Variants in STX17 observed in about 807,000 individuals in gnomAD.
The protein encoded by STX17 is syntaxin 17.
A neutral mutation model predicts 35.9 loss-of-function variants in STX17; 29 were observed. That is an observed-to-expected ratio of 0.81 (90% CI 0.60 to 1.10). The LOEUF is 1.10. Ranked by LOEUF, STX17 falls within the 50% of genes least tolerant of loss-of-function variation. The pLI, the probability that STX17 is intolerant of heterozygous loss-of-function variation, is 0.00. For missense variants in STX17, 312 were observed against 352.3 expected (o/e 0.89, Z 0.92); for synonymous variants, 92 against 118.3 (o/e 0.78, Z 1.44).
intron 2 of STX17, among the ~76,000 whole-genome samples, chr9:99,928,181 C>T (rs1295112150): frequency 1.3e-5 from 2 of 151,970 alleles, no homozygotes; most frequent in East Asian, 1.9e-4. Flanking sequence ...TCACATATTC[C>T]TATGGTTCCT....
At chr9:99,925,615 C>T (rs1828971917) in intron 2 of STX17, among the ~76,000 whole-genome samples, 1 of 151,994 alleles carries the variant, frequency 6.6e-6, no homozygotes, top group South Asian at 2.1e-4. Flanking sequence ...AAACAACTTT[C>T]TCTGGGGATA....
At chr9:99,961,974 A>C (rs1022363311) in intron 6 of STX17, among the ~76,000 whole-genome samples, 6 of 152,134 alleles carry the variant, frequency 3.9e-5, no homozygotes, top group African/African-American at 1.2e-4. Flanking sequence ...TTGGCCTCTA[A>C]AGCTACGTAC....
intron 4 of STX17, among the ~76,000 whole-genome samples, chr9:99,951,515 C>T (rs1349398851): frequency 2.0e-5 from 3 of 151,878 alleles, no homozygotes; most frequent in Non-Finnish European, 1.5e-5. Context: ...GGAAAGTACC[C>T]GTTTGTCTAT....
At chr9:99,951,399 C>A in intron 4 of STX17, 114 bp downstream of exon 4, 1 of 889,620 alleles carries the variant, frequency 1.1e-6, no homozygotes, top group Non-Finnish European at 1.7e-6. Flanking sequence ...TTCACTATCC[C>A]AATATGCTGA....
intron 2 of STX17, among the ~76,000 whole-genome samples, chr9:99,924,422 T>C (rs867411039): frequency 3.5e-4 from 53 of 152,036 alleles, no homozygotes; most frequent in African/African-American, 1.2e-3. Context: ...AATATTTATA[T>C]AATCATAATA....
rs1030661605 is a variant in STX17, at chr9:99,972,872, T to G, written c.*4199T>G. On this transcript the variant is annotated 3_prime_UTR_variant, in exon 8 of 8. Coordinates refer to ENST00000259400, the MANE Select transcript of STX17 (RefSeq NM_017919.3). ...GAGGTTCTCCTCGGAAATGAGGTGG[T>G]TTTTTTTGTTATTAAGTAGAACGTG... 4.6e-5 allele frequency among the ~76,000 whole-genome samples: 7 copies of G among 151,776 alleles called. No individual in the cohort carries two copies. Among genetic ancestry groups the G allele is most frequent in the African/African-American group, 9.7e-5 (4 of 41,324 alleles).
rs2118553821 is a variant in STX17, at chr9:99,969,164, T to C, written c.*491T>C. On this transcript the variant is annotated 3_prime_UTR_variant, in exon 8 of 8. Coordinates refer to ENST00000259400, the MANE Select transcript of STX17 (RefSeq NM_017919.3). ...AGCACAGGTCGACTACATAATGGAG[T>C]CCATTGGCGAACCCTATTGCAATTT... The C allele has an allele frequency of 6.6e-6, 1 of 152,160 alleles. No homozygotes were observed. The highest frequency in any genetic ancestry group is 1.5e-5 in the Non-Finnish European group (1 of 68,008). The allele number at this position is 152,160 out of a possible 1,614,324, so 9.4% of individuals were successfully genotyped here.
chr9:99,965,831 A>C lies in STX17; in HGVS notation c.583-1822A>C, dbSNP rs550312621. ...ACACTTCCTTGGGGAAATTAGGATAAATTTTTCTATTTTTCCCCCCTCACA... is the reference window on the plus strand; with the variant it reads ...ACACTTCCTTGGGGAAATTAGGATACATTTTTCTATTTTTCCCCCCTCACA... On this transcript the variant is annotated intron_variant, in intron 6 of 7. Coordinates refer to ENST00000259400, the MANE Select transcript of STX17 (RefSeq NM_017919.3). Among the ~76,000 whole-genome samples the C allele has an allele frequency of 2.0e-5, 3 of 152,254 alleles. No individual in the cohort carries two copies. The East Asian group carries it at 5.8e-4, about 29-fold the overall frequency.
intron 6 of STX17, among the ~76,000 whole-genome samples, chr9:99,964,373 G>T (rs1231414043): frequency 6.6e-6 from 1 of 152,080 alleles, no homozygotes; most frequent in Non-Finnish European, 1.5e-5. Context: ...TCTTTAAAAT[G>T]AAATCCGTAG....
intron 6 of STX17, among the ~76,000 whole-genome samples, chr9:99,965,296 C>T (rs1829893193): frequency 6.6e-6 from 1 of 152,086 alleles, no homozygotes; most frequent in Admixed American, 6.6e-5. Flanking sequence ...CATAGAAGTA[C>T]AATATCCAAC....
At chr9:99,942,850 G>A (rs978920773) in intron 3 of STX17, among the ~76,000 whole-genome samples, 2 of 151,834 alleles carry the variant, frequency 1.3e-5, no homozygotes, top group Non-Finnish European at 2.9e-5. Flanking sequence ...GTGCATTTAT[G>A]TTTGGGTTGT....
chr9:99,959,849 C>A, intron 4 of STX17, 68 bp from the exon 5 acceptor site: 1 of 1,177,708 alleles, frequency 8.5e-7, no homozygotes, highest in Non-Finnish European at 1.2e-6. Context: ...TTTATGAAAT[C>A]AATTTATGCT....
At chr9:99,916,891 C>T (rs4742777) in intron 2 of STX17, among the ~76,000 whole-genome samples, 104,657 of 151,930 alleles carry the variant, frequency 0.69, 36,320 homozygotes, top group African/African-American at 0.72. Context: ...TTTCCTTTTT[C>T]TTATGTTTAT....
chr9:99,951,644 G>T (rs1041345901), intron 4 of STX17, among the ~76,000 whole-genome samples: 6 of 151,752 alleles, frequency 4.0e-5, no homozygotes, highest in African/African-American at 1.5e-4. Context: ...TTTTTCTTAA[G>T]CATTCTGATT....
chr9:99,956,084 A>T (rs1829704789), intron 4 of STX17, among the ~76,000 whole-genome samples: 1 of 152,186 alleles, frequency 6.6e-6, no homozygotes, highest in Non-Finnish European at 1.5e-5. Context: ...AGCGAGGTTT[A>T]GAGTTTTAAG....
intron 4 of STX17, among the ~76,000 whole-genome samples, chr9:99,956,780 G>C (rs1428398622): frequency 6.6e-6 from 1 of 152,122 alleles, no homozygotes; most frequent in Non-Finnish European, 1.5e-5. Flanking sequence ...ATTGACTATG[G>C]CCTTCCTAAA....
At chr9:99,917,676 A>G (rs1277885101) in intron 2 of STX17, among the ~76,000 whole-genome samples, 1 of 152,226 alleles carries the variant, frequency 6.6e-6, no homozygotes, top group Non-Finnish European at 1.5e-5. Context: ...TTGAAGTGTT[A>G]GCATTCAGCT....
chr9:99,957,742 C>G (rs968668149), intron 4 of STX17, among the ~76,000 whole-genome samples: 1 of 151,290 alleles, frequency 6.6e-6, no homozygotes, highest in African/African-American at 2.4e-5. Context: ...CAACCTCTGC[C>G]TCCCAGGTTC....
chr9:99,910,085 T>A (rs1828628918), intron 1 of STX17, among the ~76,000 whole-genome samples: 1 of 151,760 alleles, frequency 6.6e-6, no homozygotes, highest in Non-Finnish European at 1.5e-5. Context: ...ATACAAAAAT[T>A]AGCTGGGCGT....
Sources: allele counts gnomAD v4.1 joint callset (sites outside exome capture counted in the v4.1 genomes callset), GRCh38; gene constraint gnomAD v4.1.1; transcripts MANE v1.5; gene names NCBI Gene and HGNC (gene_info 2026-07-23, HGNC 2026-07-21).